Variants in TESK2 observed in about 807,000 individuals in gnomAD.
TESK2 encodes the protein testis associated actin remodelling kinase 2.
TESK2 carries 39 observed loss-of-function variants against 57.1 expected under a neutral mutation model. That is an observed-to-expected ratio of 0.68 (90% confidence interval 0.53 to 0.89). The LOEUF is 0.89. Ranked by LOEUF, TESK2 falls within the 40% of genes least tolerant of loss-of-function variation. TESK2 has a pLI of 0.00. For missense variants in TESK2, 646 were observed against 732.1 expected (o/e 0.88, Z 1.36); for synonymous variants, 249 against 267.9 (o/e 0.93, Z 0.69).
At position 45,345,927 on chromosome 1, in the gene TESK2, A is replaced by G; in HGVS notation, c.947T>C (p.Leu316Pro). ...GKTLEEILSR[L>P]QEEEQERDRK... Reference sequence around the variant, plus strand: ...ATCCCTCTCCTGCTCTTCTTCCTGTAGGCGGCTCAGAATTTCCTCCAGGGT... The same window carrying G: ...ATCCCTCTCCTGCTCTTCTTCCTGTGGGCGGCTCAGAATTTCCTCCAGGGT... Residue 316 changes from leucine to proline, a missense_variant, in exon 10 of 11, where the codon CTA (leucine) becomes CCA (proline). By Grantham distance (98) the Leu-to-Pro change is moderately conservative (BLOSUM62 -3). Transcript: ENST00000372086. 2 of 1,614,102 alleles carry G rather than the reference A, an allele frequency of 1.2e-6. No homozygotes were observed. The highest frequency in any genetic ancestry group is 1.7e-6 in the Non-Finnish European group (2 of 1,179,998).
chr1:45,472,980 AAAAAAAAAAAAAAATAC>A (rs1652829251), intron 1 of TESK2, among the ~76,000 whole-genome samples: 1 of 151,220 alleles, frequency 6.6e-6, no homozygotes, highest in South Asian at 2.1e-4. Flanking sequence ...TACTAAAAAA[AAAAAAAAAAAAAAATAC>A]AAAAAAATTA....
intron 4 of TESK2, among the ~76,000 whole-genome samples, chr1:45,371,776 G>A (rs911001111): frequency 6.6e-5 from 10 of 152,168 alleles, no homozygotes; most frequent in Non-Finnish European, 1.2e-4. Context: ...GCTGAGGTGG[G>A]AGAATCCCTT....
intron 2 of TESK2, among the ~76,000 whole-genome samples, chr1:45,427,059 A>G (rs905373978): frequency 9.2e-5 from 14 of 152,070 alleles, no homozygotes; most frequent in Admixed American, 2.0e-4. Flanking sequence ...CCTGGCCAAC[A>G]TGGTAAAACC....
intron 3 of TESK2, among the ~76,000 whole-genome samples, chr1:45,395,537 T>C (rs1649320455): frequency 6.6e-6 from 1 of 152,136 alleles, no homozygotes; most frequent in Admixed American, 6.6e-5. Context: ...CAAATACCAG[T>C]TCAAATACTT....
chr1:45,352,301 A>G (rs544517125), intron 5 of TESK2, among the ~76,000 whole-genome samples: 1 of 152,306 alleles, frequency 6.6e-6, no homozygotes, highest in African/African-American at 2.4e-5. Flanking sequence ...AAATATAGGG[A>G]GTTATTTCTC....
At chr1:45,423,801 G>A (rs1171047661) in intron 2 of TESK2, among the ~76,000 whole-genome samples, 1 of 152,118 alleles carries the variant, frequency 6.6e-6, no homozygotes, top group Non-Finnish European at 1.5e-5. Context: ...TTGTGCATGT[G>A]TAAATATTAT....
At chr1:45,489,335 G>A (rs890763049) in intron 1 of TESK2, among the ~76,000 whole-genome samples, 1 of 151,962 alleles carries the variant, frequency 6.6e-6, no homozygotes, top group Non-Finnish European at 1.5e-5. Context: ...TGCTCCTTCT[G>A]GTCCACAGCC....
At chr1:45,382,863 C>T (rs541863301) in intron 4 of TESK2, among the ~76,000 whole-genome samples, 1 of 151,780 alleles carries the variant, frequency 6.6e-6, no homozygotes, top group African/African-American at 2.4e-5. Flanking sequence ...AGTGAAACTC[C>T]GTCCCCCCAA....
At chr1:45,448,188 T>C (rs7528573) in intron 2 of TESK2, among the ~76,000 whole-genome samples, 34,998 of 138,722 alleles carry the variant, frequency 0.25, 4,431 homozygotes, top group East Asian at 0.36. Context: ...CTGTGAGCCA[T>C]GACCACACCA....
chr1:45,353,121 C>T (rs1201614708), intron 5 of TESK2, among the ~76,000 whole-genome samples: 2 of 152,184 alleles, frequency 1.3e-5, no homozygotes, highest in African/African-American at 4.8e-5. Context: ...TGGTCTTGAA[C>T]TCCTGACCTC....
intron 2 of TESK2, among the ~76,000 whole-genome samples, chr1:45,424,319 T>C (rs1293195170): frequency 2.0e-5 from 3 of 152,088 alleles, no homozygotes; most frequent in African/African-American, 7.2e-5. Flanking sequence ...GGGAAGGCTG[T>C]TGAGGGGGAG....
chr1:45,415,101 G>C, intron 3 of TESK2: 1 of 1,439,200 alleles, frequency 6.9e-7, no homozygotes, highest in East Asian at 2.3e-5. Flanking sequence ...GCTGTTTGCA[G>C]ACAAGTTTCC....
intron 4 of TESK2, among the ~76,000 whole-genome samples, chr1:45,380,161 A>G (rs1164900905): frequency 1.3e-5 from 2 of 152,106 alleles, no homozygotes; most frequent in Non-Finnish European, 2.9e-5. Flanking sequence ...CGGCCTCCCA[A>G]AGTGTTGGGA....
intron 2 of TESK2, among the ~76,000 whole-genome samples, chr1:45,444,328 C>A (rs1431012293): frequency 6.6e-6 from 1 of 152,076 alleles, no homozygotes; most frequent in Non-Finnish European, 1.5e-5. Flanking sequence ...TTATATGCAA[C>A]CAAAAATAAA....
At chr1:45,473,167 G>A (rs868334877) in intron 1 of TESK2, among the ~76,000 whole-genome samples, 75 of 137,422 alleles carry the variant, frequency 5.5e-4, no homozygotes, top group South Asian at 1.4e-3. Context: ...AAAAAAAAAA[G>A]TCACTAGCAC....
At chr1:45,407,815 T>C (rs1649904930) in intron 3 of TESK2, among the ~76,000 whole-genome samples, 1 of 152,186 alleles carries the variant, frequency 6.6e-6, no homozygotes. Context: ...GGTGTGTCTT[T>C]ATTAGCAGCA....
intron 4 of TESK2, among the ~76,000 whole-genome samples, chr1:45,364,762 A>G (rs1344892465): frequency 8.5e-5 from 13 of 152,226 alleles, no homozygotes; most frequent in Non-Finnish European, 2.9e-5. Flanking sequence ...AAAGCTTTTT[A>G]GCAACTGAGT....
intron 3 of TESK2, among the ~76,000 whole-genome samples, chr1:45,388,716 G>GTT (rs1238585191): frequency 7.9e-6 from 1 of 126,200 alleles, no homozygotes; most frequent in Non-Finnish European, 1.6e-5. Context: ...GAGAGGTACG[G>GTT]CTTTTTTTTT....
At chr1:45,457,486 C>T (rs947558431) in intron 2 of TESK2, 78 bp downstream of exon 2, 12 of 1,359,182 alleles carry the variant, frequency 8.8e-6, no homozygotes, top group Non-Finnish European at 1.3e-5. Context: ...ATCCTACATC[C>T]TAATTAAACA....
Sources: gnomAD v4.1 joint callset for allele counts (sites outside exome capture counted in the v4.1 genomes callset) on GRCh38, gnomAD v4.1.1 for gene constraint, MANE v1.5 for transcripts, NCBI Gene and HGNC (gene_info 2026-07-23, HGNC 2026-07-21) for gene names.